The following CDK5RAP2 variants were observed in gnomAD, a reference collection of about 807,000 sequenced individuals.
CDK5RAP2 encodes the protein CDK5 regulatory subunit-associated protein 2.
Under a neutral mutation model 232.9 loss-of-function variants are expected in CDK5RAP2, and 147 were observed. The observed-to-expected ratio is 0.63, with a 90% confidence interval of 0.55 to 0.72. The LOEUF (loss-of-function observed/expected upper bound fraction) is 0.72, where lower values mean the gene tolerates loss of function less well. Among genes scored for constraint, CDK5RAP2 ranks in the 30% least tolerant of loss-of-function variants. The pLI is 0.00. For synonymous variants in CDK5RAP2, 833 were observed against 833.7 expected, an observed-to-expected ratio of 1.00 and a Z score of 0.01; for missense variants, 2,195 against 2,231.5, an observed-to-expected ratio of 0.98 and a Z score of 0.33.
At chr9:120,549,018 G>T (rs1016174560) in intron 4 of CDK5RAP2, among the ~76,000 whole-genome samples, 1 of 152,106 alleles carries the variant, frequency 6.6e-6, no homozygotes, top group Non-Finnish European at 1.5e-5. Context: ...TTAGCCAGGC[G>T]TGCTGGCGTG....
In CDK5RAP2 at chr9:120,510,881, C is replaced by T. The variant is rs189342587; in HGVS notation, c.1311+7546G>A. On this transcript the variant is annotated intron_variant, in intron 12 of 37. Transcript: ENST00000349780. ...TTCACCTTCTTCACTGTAAATAAGA[C>T]TACCAAAGTAAAAACCAAAGCTTGT... Among the ~76,000 whole-genome samples the T allele has an allele frequency of 1.6e-3, 246 of 152,304 alleles. No individual in the cohort carries two copies. In the Middle Eastern group the frequency reaches 0.017, roughly 11 times the overall value.
intron 31 of CDK5RAP2, 183 bp downstream of exon 31, chr9:120,408,164 T>C: frequency 1.3e-6 from 1 of 750,722 alleles, no homozygotes; most frequent in Non-Finnish European, 2.3e-6. Flanking sequence ...TCAGTCCTTC[T>C]ATGTTTCCTG....
At chr9:120,519,596 A>G (rs4837774) in intron 11 of CDK5RAP2, among the ~76,000 whole-genome samples, 148,799 of 152,320 alleles carry the variant, frequency 0.98, 72,755 homozygotes, top group South Asian at 1. Flanking sequence ...AAATACTTCC[A>G]CAAGGACATC....
rs1239477858 is a variant in CDK5RAP2 at position 120,408,471 on chromosome 9, G to A, written c.4605-3C>T. The A allele has an allele frequency of 3.1e-6, 5 of 1,614,060 alleles. No homozygotes were observed. The Middle Eastern group carries it at 5.0e-4, about 160-fold the overall frequency. On this transcript the variant is annotated splice_polypyrimidine_tract_variant and splice_region_variant and intron_variant, in intron 30 of 37. Transcript: ENST00000349780. ...TCAACTTCACCTCCTCCTGCACCCT[G>A]AGAAGGCCCCACAGGCATGAGAAGG...
chr9:120,497,754 G>A (rs1027006861), intron 12 of CDK5RAP2, among the ~76,000 whole-genome samples: 1 of 152,184 alleles, frequency 6.6e-6, no homozygotes. Context: ...GAAAAGCTGA[G>A]TGTTGGGAGA....
intron 12 of CDK5RAP2, among the ~76,000 whole-genome samples, chr9:120,511,081 G>C (rs765249209): frequency 2.6e-5 from 4 of 152,158 alleles, no homozygotes; most frequent in African/African-American, 9.7e-5. Flanking sequence ...CTCAGTGTTC[G>C]TGCACAATGA....
At chr9:120,523,968 G>A (rs1394749972) in intron 11 of CDK5RAP2, among the ~76,000 whole-genome samples, 25 of 152,096 alleles carry the variant, frequency 1.6e-4, no homozygotes, top group Admixed American at 1.6e-3. Context: ...ACCTGGAGAG[G>A]AGCAGCTGGG....
chr9:120,399,460 C>T (rs1436864242), intron 35 of CDK5RAP2, among the ~76,000 whole-genome samples: 1 of 152,154 alleles, frequency 6.6e-6, no homozygotes, highest in Non-Finnish European at 1.5e-5. Flanking sequence ...AACAAATATA[C>T]AATTATAACT....
In CDK5RAP2 at chr9:120,448,067, C is replaced by A. The variant is rs770972013; in HGVS notation, c.2853G>T (p.Met951Ile). The change falls in exon 22 of 38, where the codon ATG becomes ATT. Residue 951 changes from methionine to isoleucine, a missense_variant. By Grantham distance (10) the Met-to-Ile change is conservative. Coordinates refer to ENST00000349780, the MANE Select transcript of CDK5RAP2 (RefSeq NM_018249.6). ...LIKPSRSLGN[M>I]YRLPATQEVV... ...CCTCCTGGGTGGCAGGGAGACGATA[C>A]ATATTTCCTAATGACCGGGATGGTT... The A allele has an allele frequency of 1.2e-6, 2 of 1,614,186 alleles. No homozygotes were observed. The highest frequency in any genetic ancestry group is 4.5e-5 in the East Asian group (2 of 44,882).
chr9:120,458,617 C>T lies in CDK5RAP2; in HGVS notation c.2208G>A (p.Met736Ile). 6.2e-7 allele frequency: 1 copy of T among 1,613,988 alleles called. No homozygotes were observed. Among genetic ancestry groups the T allele is most frequent in the Non-Finnish European group, 8.5e-7 (1 of 1,179,910 alleles). The change falls in exon 20 of 38, where the codon ATG (methionine) becomes ATA (isoleucine). Residue 736 changes from methionine to isoleucine, a missense_variant. Coordinates refer to ENST00000349780, the MANE Select transcript of CDK5RAP2 (RefSeq NM_018249.6). ...DQHLQQSNEI[M>I]KDLSKGGCKN... Reference sequence around the variant, plus strand: ...TGCAGCCTCCTTTGGAAAGGTCTTTCATAATCTGCAAATAAAAGTATTTGG... The same window carrying T: ...TGCAGCCTCCTTTGGAAAGGTCTTTTATAATCTGCAAATAAAAGTATTTGG...
At chr9:120,562,110 A>G (rs1194090863) in intron 3 of CDK5RAP2, among the ~76,000 whole-genome samples, 2 of 152,220 alleles carry the variant, frequency 1.3e-5, no homozygotes, top group East Asian at 1.9e-4. Context: ...GTTTTTCACA[A>G]TTATACACAA....
In CDK5RAP2 at chr9:120,518,202, TGTGTGTGTGAGAGAGA is replaced by T. The variant is rs1250729367; in HGVS notation, c.1311+209_1311+224del. Among the ~76,000 whole-genome samples the T allele has an allele frequency of 5.7e-3, 612 of 108,208 alleles. 4 individuals are homozygous for T. Among genetic ancestry groups the T allele is most frequent in the African/African-American group, 0.022 (563 of 25,284 alleles). The allele number at this position is 108,208 out of a possible 152,430, so 71.0% of individuals were successfully genotyped here. ...GTGTGTGTGTGTGTGTGTGTGTGTGTGTGTGTGTGAGAGAGAGAGAGAGAGAGAGAGAGAGAGAGAG... is the reference window on the plus strand; with the variant it reads ...GTGTGTGTGTGTGTGTGTGTGTGTGTGAGAGAGAGAGAGAGAGAGAGAGAG... On this transcript the variant is annotated intron_variant, in intron 12 of 37. Transcript: ENST00000349780.
intron 3 of CDK5RAP2, among the ~76,000 whole-genome samples, chr9:120,562,032 T>C (rs2042480837): frequency 6.6e-6 from 1 of 152,242 alleles, no homozygotes; most frequent in African/African-American, 2.4e-5. Context: ...ATCTGTGAAA[T>C]ATCCTCAACA....
intron 25 of CDK5RAP2, among the ~76,000 whole-genome samples, chr9:120,431,142 T>C (rs1424615098): frequency 6.6e-6 from 1 of 152,076 alleles, no homozygotes; most frequent in East Asian, 1.9e-4. Flanking sequence ...GGGATAGCAT[T>C]AGGAGATACA....
intron 6 of CDK5RAP2, among the ~76,000 whole-genome samples, chr9:120,537,490 T>C (rs545711285): frequency 6.6e-6 from 1 of 152,282 alleles, no homozygotes; most frequent in East Asian, 1.9e-4. Flanking sequence ...CAAAGCCTGT[T>C]ATTTACTAAA....
chr9:120,573,130 A>G (rs2042912824), intron 1 of CDK5RAP2, among the ~76,000 whole-genome samples: 1 of 152,218 alleles, frequency 6.6e-6, no homozygotes, highest in African/African-American at 2.4e-5. Flanking sequence ...ATCCAAATTC[A>G]TTGTGCTCCT....
rs1023681223 is a variant in CDK5RAP2 at position 120,530,010 on chromosome 9, C to G, written c.793G>C (p.Ala265Pro). ...TCTCTCTCCTTTTCTTCCCTTGGAG[C>G]AGCACAAAGTCCTCGGAGCTCTCCA... ...SSGELRGLCA[A>P]PREEKERETE... is the part of the protein sequence containing the mutation. The change falls in exon 8 of 38, where the codon GCT becomes CCT. Residue 265 changes from alanine (A) to proline (P), a missense_variant. Coordinates refer to ENST00000349780, the MANE Select transcript of CDK5RAP2 (RefSeq NM_018249.6). 6.2e-7 allele frequency: 1 copy of G among 1,613,860 alleles called. No homozygotes were observed. Among genetic ancestry groups the G allele is most frequent in the Non-Finnish European group, 8.5e-7 (1 of 1,179,920 alleles).
chr9:120,406,897 A>G, intron 32 of CDK5RAP2, 115 bp downstream of exon 32: 2 of 804,332 alleles, frequency 2.5e-6, no homozygotes, highest in South Asian at 1.6e-5. Context: ...ACAGCATGTC[A>G]GCTATCAATG....
chr9:120,413,503 C>A (rs141223980), intron 28 of CDK5RAP2, among the ~76,000 whole-genome samples: 1 of 152,220 alleles, frequency 6.6e-6, no homozygotes, highest in African/African-American at 2.4e-5. Context: ...GAGAACAGCA[C>A]GTCTTTCCAC....
Sources: allele counts gnomAD v4.1 joint callset (sites outside exome capture counted in the v4.1 genomes callset), GRCh38; gene constraint gnomAD v4.1.1; transcripts MANE v1.5; gene names NCBI Gene and HGNC (gene_info 2026-07-23, HGNC 2026-07-21).